The following ERG variants were observed in gnomAD, a reference collection of about 807,000 sequenced individuals.
ERG encodes the protein transcriptional regulator ERG.
Under a neutral mutation model 55.3 loss-of-function variants are expected in ERG, and 9 were observed. The ratio of observed to expected loss-of-function variants is 0.16; its 90% CI spans 0.10 to 0.28. ERG has a LOEUF of 0.28. ERG is among the 10% of genes least tolerant of loss of function. The pLI is 1.00. For missense variants in ERG, 434 were observed against 631.6 expected (o/e 0.69, Z 3.35); for synonymous variants, 223 against 237.3 (o/e 0.94, Z 0.55).
chr21:38,458,567 A>G (rs753933995), intron 1 of ERG, among the ~76,000 whole-genome samples: 6 of 152,198 alleles, frequency 3.9e-5, no homozygotes, highest in Admixed American at 1.3e-4. Flanking sequence ...CACTTTCGCA[A>G]TATTTATCCA....
chr21:38,379,167 C>T (rs1027809694), downstream of ERG, among the ~76,000 whole-genome samples: 5 of 152,218 alleles, frequency 3.3e-5, no homozygotes, highest in African/African-American at 1.2e-4. Flanking sequence ...TCTTTGGCAT[C>T]CTGGATGTGT....
intron 2 of ERG, among the ~76,000 whole-genome samples, chr21:38,508,255 C>A (rs1214276396): frequency 6.6e-6 from 1 of 151,876 alleles, no homozygotes; most frequent in Non-Finnish European, 1.5e-5. Context: ...GTGGAAGTGG[C>A]TTTTTTAAGC....
chr21:38,472,651 G>A (rs2059150115), intron 1 of ERG, among the ~76,000 whole-genome samples: 1 of 152,152 alleles, frequency 6.6e-6, no homozygotes, highest in Non-Finnish European at 1.5e-5. Context: ...CTACGATAAG[G>A]AACATGAAGC....
In ERG at chr21:38,383,354, G is replaced by A; in HGVS notation, c.*49C>T. 6.9e-7 allele frequency: 1 copy of A among 1,441,590 alleles called. No homozygotes were observed. The highest frequency in any genetic ancestry group is 9.1e-7 in the Non-Finnish European group (1 of 1,093,060). The allele number at this position is 1,441,590 out of a possible 1,614,324, so 89.3% of individuals were successfully genotyped here. The stretch of plus-strand genomic sequence containing the variant: ...TTCATGTTCTCCGATAGAGTTTGTG[G>A]CGATGGGCTGGTGAATGCACGCTGA... On this transcript the variant is annotated 3_prime_UTR_variant, in exon 10 of 10. Coordinates refer to ENST00000288319, the MANE Select transcript of ERG (RefSeq NM_182918.4). The surrounding 1 kb of genome is among the most constrained non-coding windows in gnomAD (Gnocchi z 5.7).
intron 2 of ERG, among the ~76,000 whole-genome samples, chr21:38,520,667 G>A (rs925857375): frequency 6.6e-6 from 1 of 152,154 alleles, no homozygotes; most frequent in East Asian, 1.9e-4. Context: ...TCATTCTAGG[G>A]GACGGGTGAC....
chr21:38,503,442 A>C (rs1297930512), upstream of ERG, among the ~76,000 whole-genome samples: 1 of 151,928 alleles, frequency 6.6e-6, no homozygotes, highest in Admixed American at 6.6e-5. Flanking sequence ...TGCGGCATTA[A>C]TCCATTCAGG....
In ERG at chr21:38,575,816, G is replaced by A. The variant is rs563915214; in HGVS notation, c.-126-69C>T. The A allele has an allele frequency of 7.7e-5, 93 of 1,201,402 alleles. 1 individual carries two copies. In the South Asian group the frequency reaches 1.2e-3, roughly 15 times the overall value. 74.4% of individuals were successfully genotyped at this position (1,201,402 alleles called of 1,614,324 possible). On this transcript the variant is annotated intron_variant, in intron 1 of 8. Transcript: ENST00000398897. Reference sequence around the variant, plus strand: ...ATTTCTGTGTTTTATGTTCTAGCAGGACAGGACACAATTCACCAATGGCAA... The same window carrying A: ...ATTTCTGTGTTTTATGTTCTAGCAGAACAGGACACAATTCACCAATGGCAA...
intron 2 of ERG, among the ~76,000 whole-genome samples, chr21:38,570,243 C>G (rs2059949124): frequency 6.6e-6 from 1 of 152,138 alleles, no homozygotes; most frequent in Non-Finnish European, 1.5e-5. Flanking sequence ...TATTTTTTCC[C>G]TTATCCCCAA....
intron 1 of ERG, among the ~76,000 whole-genome samples, chr21:38,462,034 T>C (rs1376532197): frequency 1.3e-5 from 2 of 152,138 alleles, no homozygotes; most frequent in Admixed American, 6.5e-5. Flanking sequence ...CAGGCTGGAA[T>C]GCAGTGGCGC....
chr21:38,455,611 A>G (rs2058980836), intron 1 of ERG, among the ~76,000 whole-genome samples: 1 of 152,170 alleles, frequency 6.6e-6, no homozygotes, highest in Admixed American at 6.5e-5. Flanking sequence ...TCTCTGACAC[A>G]TGGATTCATT....
intron 1 of ERG, among the ~76,000 whole-genome samples, chr21:38,584,558 CT>C (rs2060050694): frequency 6.6e-6 from 1 of 152,168 alleles, no homozygotes. Flanking sequence ...AAAAGAGGGG[CT>C]GTGAAGACTA....
intron 1 of ERG, among the ~76,000 whole-genome samples, chr21:38,623,056 CAT>C (rs145279412): frequency 0.16 from 23,342 of 148,264 alleles, 1,873 homozygotes; most frequent in East Asian, 0.29. Flanking sequence ...CACACACACA[CAT>C]CATACATAAA....
intron 2 of ERG, among the ~76,000 whole-genome samples, chr21:38,556,333 T>C (rs527457255): frequency 1.9e-3 from 283 of 152,290 alleles, no homozygotes; most frequent in African/African-American, 6.5e-3. Context: ...TTATTATATA[T>C]AATCTTTACT....
intron 1 of ERG, among the ~76,000 whole-genome samples, chr21:38,468,226 A>T (rs1277601408): frequency 6.6e-6 from 1 of 152,114 alleles, no homozygotes; most frequent in Non-Finnish European, 1.5e-5. Context: ...AATTGCACTT[A>T]TCTCCCAGCT....
intron 1 of ERG, among the ~76,000 whole-genome samples, chr21:38,612,705 G>C (rs1601313791): frequency 7.3e-6 from 1 of 137,236 alleles, no homozygotes; most frequent in Admixed American, 8.2e-5. Flanking sequence ...GCTCTGTCAC[G>C]CAGGCTGGAG....
chr21:38,403,376 C>A (rs1352045104), intron 4 of ERG, 130 bp downstream of exon 4: 2 of 840,298 alleles, frequency 2.4e-6, no homozygotes, highest in Admixed American at 4.2e-5. Flanking sequence ...CATGTGGCTC[C>A]CTCGGATCCC....
chr21:38,606,553 A>G lies in ERG; in HGVS notation c.-149-21608T>C, dbSNP rs2060198197. ...AGATGTAGTAGATACAAAAAGATTG[A>G]GGATTAGCACCCCAAACAGCATGGA... On this transcript the variant is annotated intron_variant, in intron 1 of 10. Coordinates refer to the ERG transcript ENST00000398910. Among the ~76,000 whole-genome samples, 2 of 152,208 alleles carry G rather than the reference A, an allele frequency of 1.3e-5. 1 individual carries two copies. Among genetic ancestry groups the G allele is most frequent in the Admixed American group, 1.3e-4 (2 of 15,288 alleles).
chr21:38,473,974 C>CT (rs919570899), intron 1 of ERG: 22 of 152,076 alleles, frequency 1.4e-4, no homozygotes, highest in African/African-American at 5.3e-4. Context: ...CATGAGCCAA[C>CT]TGACTTTTTT....
chr21:38,459,121 T>C (rs1357900102), intron 1 of ERG, among the ~76,000 whole-genome samples: 4 of 152,200 alleles, frequency 2.6e-5, no homozygotes, highest in Non-Finnish European at 5.9e-5. Context: ...ACTTCTCTAC[T>C]AGGCTATCAT....
Sources: gnomAD v4.1 joint callset for allele counts (sites outside exome capture counted in the v4.1 genomes callset) on GRCh38, gnomAD v4.1.1 for gene constraint, Gnocchi (gnomAD v3.1) non-coding constraint, MANE v1.5 for transcripts, NCBI Gene and HGNC (gene_info 2026-07-23, HGNC 2026-07-21) for gene names.